The following SMARCAL1 variants were observed in gnomAD, a reference collection of about 807,000 sequenced individuals.
The protein encoded by SMARCAL1 is ATP-driven annealing helicase.
Under a neutral mutation model 94.5 loss-of-function variants are expected in SMARCAL1, and 58 were observed. The ratio of observed to expected loss-of-function variants is 0.61; its 90% CI spans 0.50 to 0.76. The LOEUF (loss-of-function observed/expected upper bound fraction) is 0.76. Among genes scored for constraint, SMARCAL1 ranks in the 30% least tolerant of loss-of-function variants. The probability of loss-of-function intolerance (pLI) is 0.00; values close to 1 mark genes in which losing one functional copy is unlikely to be tolerated. For synonymous variants in SMARCAL1, 422 were observed against 455.1 expected (o/e 0.93, Z 0.93); for missense variants, 1,051 against 1,177.9 (o/e 0.89, Z 1.58).
At position 216,435,512 on chromosome 2, in the gene SMARCAL1, A is replaced by G. The variant is rs1485235439; in HGVS notation, c.1644+16A>G. On this transcript the variant is annotated intron_variant, in intron 9 of 17. Transcript: ENST00000357276. The stretch of plus-strand genomic sequence containing the variant: ...TGTCATCATTGTAAGAAACTTGGCA[A>G]AGTCTTTAAGTACTTTATCTCTCTG... 6 of 1,609,244 alleles carry G rather than the reference A, an allele frequency of 3.7e-6. No individual in the cohort carries two copies. The African/African-American group carries it at 8.0e-5, about 22-fold the overall frequency.
intron 10 of SMARCAL1, among the ~76,000 whole-genome samples, chr2:216,441,615 A>T (rs896589853): frequency 6.6e-6 from 1 of 152,210 alleles, no homozygotes; most frequent in Non-Finnish European, 1.5e-5. Flanking sequence ...TTGCTATTAT[A>T]AATAATTCTG....
intron 14 of SMARCAL1, among the ~76,000 whole-genome samples, chr2:216,468,476 TAG>T (rs1326448807): frequency 2.0e-5 from 3 of 152,208 alleles, no homozygotes; most frequent in Admixed American, 6.5e-5. Context: ...CAGACATTAG[TAG>T]AGAGTTTTAT....
Position 216,418,066 on chromosome 2 carries a change from G to A in SMARCAL1, c.862+1759G>A, listed in dbSNP as rs558034108. Among the ~76,000 whole-genome samples the A allele has an allele frequency of 5.3e-5, 8 of 152,124 alleles. No homozygotes were observed. The East Asian group carries it at 1.2e-3, about 22-fold the overall frequency. On this transcript the variant is annotated intron_variant, in intron 4 of 17. Transcript: ENST00000357276. ...CTCCTGAGTAGCTGGGATTTCAGGC[G>A]TGTACCATGCCTGGCTAATTTTTAT... is the stretch of plus-strand genomic sequence containing the variant.
chr2:216,455,602 T>C (rs1448894632), intron 12 of SMARCAL1, among the ~76,000 whole-genome samples: 3 of 152,172 alleles, frequency 2.0e-5, no homozygotes, highest in Non-Finnish European at 4.4e-5. Context: ...TCTGGAGTGG[T>C]CCTCCAGCAA....
At chr2:216,457,426 C>T (rs1343888971) in intron 12 of SMARCAL1, among the ~76,000 whole-genome samples, 1 of 152,156 alleles carries the variant, frequency 6.6e-6, no homozygotes, top group Non-Finnish European at 1.5e-5. Context: ...CAAAATTGAC[C>T]ACATAGTTGG....
At chr2:216,417,143 T>C (rs1404205487) in intron 4 of SMARCAL1, among the ~76,000 whole-genome samples, 1 of 152,220 alleles carries the variant, frequency 6.6e-6, no homozygotes, top group Non-Finnish European at 1.5e-5. Flanking sequence ...GGGTATGAGG[T>C]AGGATTATCT....
At chr2:216,436,431 A>G (rs1694084560) in intron 9 of SMARCAL1, among the ~76,000 whole-genome samples, 1 of 152,226 alleles carries the variant, frequency 6.6e-6, no homozygotes, top group African/African-American at 2.4e-5. Flanking sequence ...GTATATTTAC[A>G]TAACTCACAC....
At position 216,414,772 on chromosome 2, in the gene SMARCAL1, G is replaced by A. The variant is rs866396456; in HGVS notation, c.68G>A (p.Arg23His). 15 of 1,614,072 alleles carry A rather than the reference G, an allele frequency of 9.3e-6. No homozygotes were observed. Among genetic ancestry groups the A allele is most frequent in the Middle Eastern group, 1.6e-4 (1 of 6,084 alleles). ...GAGAATCGACAAAAGGCTCTGGCCC[G>A]CAGAGCTGAGAAGTTATTGGCAGAA... Reference protein sequence around the residue: ...IEENRQKALARRAEKLLAEQH... With the variant: ...IEENRQKALAHRAEKLLAEQH... Residue 23 changes from arginine to histidine, a missense_variant, in exon 3 of 18, where the codon CGC becomes CAC. By Grantham distance (29) the Arg-to-His change is conservative. Transcript: ENST00000357276.
chr2:216,481,888 GA>G (rs1474253340), intron 17 of SMARCAL1, among the ~76,000 whole-genome samples: 1 of 152,110 alleles, frequency 6.6e-6, no homozygotes, highest in Non-Finnish European at 1.5e-5. Context: ...CCTCTAAATT[GA>G]AAAATGGTCA....
intron 17 of SMARCAL1, among the ~76,000 whole-genome samples, chr2:216,480,275 G>A (rs965548647): frequency 2.0e-5 from 3 of 152,094 alleles, no homozygotes; most frequent in Admixed American, 6.5e-5. Context: ...AAAAGAAAAT[G>A]TTGCTTCCAA....
chr2:216,445,701 G>A (rs377590201), intron 10 of SMARCAL1, among the ~76,000 whole-genome samples: 11 of 152,216 alleles, frequency 7.2e-5, no homozygotes, highest in African/African-American at 1.4e-4. Flanking sequence ...GCATTAAACC[G>A]TGCAGGAAGT....
At chr2:216,436,619 C>T (rs573075500) in intron 9 of SMARCAL1, among the ~76,000 whole-genome samples, 2 of 152,200 alleles carry the variant, frequency 1.3e-5, no homozygotes, top group African/African-American at 4.8e-5. Context: ...ATTTTTGGTT[C>T]GGCACAAATT....
At chr2:216,433,325 C>T (rs1370878998) in intron 8 of SMARCAL1, among the ~76,000 whole-genome samples, 1 of 152,110 alleles carries the variant, frequency 6.6e-6, no homozygotes, top group South Asian at 2.1e-4. Flanking sequence ...TTCAAGTGAT[C>T]CACCTGTCTT....
rs377552471 is a variant in SMARCAL1 at position 216,477,102 on chromosome 2, C to T, written c.2428-7C>T. On this transcript the variant is annotated splice_region_variant and splice_polypyrimidine_tract_variant and intron_variant, in intron 15 of 17. Coordinates refer to ENST00000357276, the MANE Select transcript of SMARCAL1 (RefSeq NM_014140.4). ...TTACCTGCCTGTCTCAATTCCTGGA[C>T]ACACAGGTGCTGATCCAGGCTGAGG... is the stretch of plus-strand genomic sequence containing the variant. 2 of 1,563,918 alleles carry T rather than the reference C, an allele frequency of 1.3e-6. No homozygotes were observed. The highest frequency in any genetic ancestry group is 1.7e-6 in the Non-Finnish European group (2 of 1,153,968).
rs1694191288 is a variant in SMARCAL1, at chr2:216,441,252, G to T, written c.1710+2767G>T. Among the ~76,000 whole-genome samples, 3 of 152,210 alleles carry T rather than the reference G, an allele frequency of 2.0e-5. No homozygotes were observed. In the South Asian group the frequency reaches 6.2e-4, roughly 31 times the overall value. The stretch of plus-strand genomic sequence containing the variant: ...GTGGATTTTGTAAATAGCAATAGCA[G>T]TCAGCAGAGAGAAGGTGTGTTAGAT... On this transcript the variant is annotated intron_variant, in intron 10 of 17. Coordinates refer to ENST00000357276, the MANE Select transcript of SMARCAL1 (RefSeq NM_014140.4).
chr2:216,443,735 A>G (rs1196505746), intron 10 of SMARCAL1, among the ~76,000 whole-genome samples: 1 of 152,228 alleles, frequency 6.6e-6, no homozygotes, highest in Admixed American at 6.5e-5. Flanking sequence ...GGCCATGTAT[A>G]AAGTATCACT....
intron 13 of SMARCAL1, among the ~76,000 whole-genome samples, chr2:216,467,457 C>T (rs1465948030): frequency 2.3e-4 from 28 of 120,938 alleles, no homozygotes; most frequent in African/African-American, 3.8e-4. Context: ...GGCGACAGAG[C>T]GAAACTCAGT....
At chr2:216,423,527 C>A in intron 5 of SMARCAL1, 106 bp from the exon 6 acceptor site, 1 of 951,590 alleles carries the variant, frequency 1.1e-6, no homozygotes, top group Non-Finnish European at 1.7e-6. Context: ...GCCACATTGT[C>A]TAAGCTGAAT....
chr2:216,460,898 G>C (rs561429546), intron 12 of SMARCAL1, among the ~76,000 whole-genome samples: 1 of 152,104 alleles, frequency 6.6e-6, no homozygotes, highest in Non-Finnish European at 1.5e-5. Context: ...CAAATGAACT[G>C]TATGTAATAT....
Sources: allele counts gnomAD v4.1 joint callset (sites outside exome capture counted in the v4.1 genomes callset), GRCh38; gene constraint gnomAD v4.1.1; transcripts MANE v1.5; gene names NCBI Gene and HGNC (gene_info 2026-07-23, HGNC 2026-07-21).